Variants in PTPRG observed in about 807,000 individuals in gnomAD.
The protein encoded by PTPRG is receptor-type tyrosine-protein phosphatase gamma.
A neutral mutation model predicts 165.3 loss-of-function variants in PTPRG; 102 were observed. That is an observed-to-expected ratio of 0.62 (90% confidence interval 0.53 to 0.73). The LOEUF is 0.73. Among genes scored for constraint, PTPRG ranks in the 30% least tolerant of loss-of-function variants. The pLI is 0.00. For missense variants in PTPRG, 1,866 were observed against 1,861.4 expected (o/e 1.00, Z -0.05); for synonymous variants, 675 against 669.5 (o/e 1.01, Z -0.13).
In PTPRG at chr3:62,229,492, G is replaced by A. The variant is rs1205089221; in HGVS notation, c.2289-1733G>A. On this transcript the variant is annotated intron_variant, in intron 13 of 29. Coordinates refer to ENST00000474889, the MANE Select transcript of PTPRG (RefSeq NM_002841.4). The surrounding 1 kb of genome is among the most constrained non-coding windows in gnomAD (Gnocchi z 4.6). ...AGACAAAAGCGGAAAGAGATTCACT[G>A]CTAAAGGTTGCCAGTTAAACATGCT... 6.6e-6 allele frequency among the ~76,000 whole-genome samples: 1 copy of A among 152,194 alleles called. No homozygotes were observed. The highest frequency in any genetic ancestry group is 2.4e-5 in the African/African-American group (1 of 41,444).
At chr3:61,721,961 A>T (rs1028653085) in intron 1 of PTPRG, among the ~76,000 whole-genome samples, 1 of 152,144 alleles carries the variant, frequency 6.6e-6, no homozygotes, top group Non-Finnish European at 1.5e-5. Context: ...GTATGGCAAG[A>T]TGCAGCAACA....
chr3:61,874,057 T>C (rs989416220), intron 2 of PTPRG, among the ~76,000 whole-genome samples: 1 of 152,196 alleles, frequency 6.6e-6, no homozygotes, highest in Non-Finnish European at 1.5e-5. Context: ...AAAATGCAGT[T>C]AATTATGGGA....
At chr3:62,116,015 C>T (rs1273545966) in intron 5 of PTPRG, among the ~76,000 whole-genome samples, 5 of 152,202 alleles carry the variant, frequency 3.3e-5, no homozygotes, top group Non-Finnish European at 7.3e-5. Flanking sequence ...ATTGTAGCAA[C>T]TCTCATGACA....
rs376193912 is a variant in PTPRG, at chr3:61,877,026, G to T, written c.191-112599G>T. Among the ~76,000 whole-genome samples, 18 of 152,060 alleles carry T rather than the reference G, an allele frequency of 1.2e-4. No individual in the cohort carries two copies. In the East Asian group the frequency reaches 3.3e-3, roughly 28 times the overall value. On this transcript the variant is annotated intron_variant, in intron 2 of 29. Transcript: ENST00000474889. ...TTAAGAAATACCGCCTGTAATTCAG[G>T]CTTACATTTTTGTGTCAGGAGGATT...
chr3:61,562,840 C>A (rs1341927497), intron 1 of PTPRG, among the ~76,000 whole-genome samples: 4 of 152,240 alleles, frequency 2.6e-5, no homozygotes, highest in African/African-American at 7.2e-5. Context: ...CTTTGCTGTT[C>A]TCCATCCCTT....
At chr3:62,004,763 T>G (rs916935312) in intron 4 of PTPRG, among the ~76,000 whole-genome samples, 10 of 152,244 alleles carry the variant, frequency 6.6e-5, no homozygotes, top group African/African-American at 2.4e-4. Context: ...GACTTTTCAC[T>G]GGTAACATAT....
intron 1 of PTPRG, among the ~76,000 whole-genome samples, chr3:61,729,081 C>G (rs543880484): frequency 6.6e-6 from 1 of 151,062 alleles, no homozygotes; most frequent in East Asian, 2.0e-4. Flanking sequence ...AACAAACAAA[C>G]AAACAAAAAG....
At position 62,272,981 on chromosome 3, in the gene PTPRG, T is replaced by C. The variant is rs1702114716; in HGVS notation, c.3218T>C (p.Ile1073Thr). ...GVGRTGTYIV[I>T]DSMLQQIKDK... is the part of the protein sequence containing the mutation. ...GGCAGAACAGGCACCTATATTGTAA[T>C]AGACAGCATGCTGCAACAGATAAAA... Residue 1073 changes from isoleucine to threonine, a missense_variant, in exon 22 of 30, where the codon ATA becomes ACA. Coordinates refer to ENST00000474889, the MANE Select transcript of PTPRG (RefSeq NM_002841.4). 4.3e-6 allele frequency: 7 copies of C among 1,613,632 alleles called. No individual in the cohort carries two copies. The highest frequency in any genetic ancestry group is 1.3e-5 in the African/African-American group (1 of 74,898).
intron 11 of PTPRG, among the ~76,000 whole-genome samples, chr3:62,202,484 T>C (rs915372201): frequency 6.6e-6 from 1 of 152,210 alleles, no homozygotes; most frequent in African/African-American, 2.4e-5. Flanking sequence ...TTGTTGTTGA[T>C]GTTGTTGTCA....
At chr3:62,141,857 C>G (rs2106643909) in intron 6 of PTPRG, among the ~76,000 whole-genome samples, 1 of 150,946 alleles carries the variant, frequency 6.6e-6, no homozygotes, top group South Asian at 2.1e-4. Flanking sequence ...TGCAGTGAGT[C>G]AAGACTGCAC....
chr3:61,600,190 A>G (rs71296732), intron 1 of PTPRG, among the ~76,000 whole-genome samples: 11,615 of 116,916 alleles, frequency 0.099, 650 homozygotes, highest in African/African-American at 0.13. Context: ...ATATATATAT[A>G]TATGTGTGTG....
At chr3:62,067,855 C>T (rs1181487303) in intron 4 of PTPRG, among the ~76,000 whole-genome samples, 3 of 152,142 alleles carry the variant, frequency 2.0e-5, no homozygotes, top group South Asian at 2.1e-4. Flanking sequence ...ATCACCCCCT[C>T]AAAGAGTGAC....
In PTPRG at chr3:62,271,497, G is replaced by T. The variant is rs770354333; in HGVS notation, c.3124G>T (p.Val1042Leu). 1 of 1,613,968 alleles carries T rather than the reference G, an allele frequency of 6.2e-7. No homozygotes were observed. Among genetic ancestry groups the T allele is most frequent in the South Asian group, 1.1e-5 (1 of 91,068 alleles). The change falls in exon 21 of 30, where the codon GTG becomes TTG. Residue 1042 changes from valine (V) to leucine (L), a missense_variant. Physicochemically the swap from Val to Leu is conservative, Grantham distance 32. Around this residue, in one of 3 missense-constraint regions of PTPRG, gnomAD observed 1,452 missense variants for 1,463.0 expected, o/e 0.99. Coordinates refer to ENST00000474889, the MANE Select transcript of PTPRG (RefSeq NM_002841.4). The surrounding 1 kb of genome is among the most constrained non-coding windows in gnomAD (Gnocchi z 4.1). ...GTATGCCCTTCCAGTACTGACTTTC[G>T]TGAGGAGATCCTCAGCAGCTCGGAT... is the stretch of plus-strand genomic sequence containing the variant. ...PEYALPVLTF[V>L]RRSSAARMPE...
intron 5 of PTPRG, among the ~76,000 whole-genome samples, chr3:62,128,679 C>T (rs1703403905): frequency 6.7e-6 from 1 of 150,148 alleles, no homozygotes; most frequent in Non-Finnish European, 1.5e-5. Context: ...CTGAAAGCAT[C>T]CATACCTGAC....
chr3:62,144,988 T>C (rs766064883), intron 6 of PTPRG, among the ~76,000 whole-genome samples: 1 of 152,028 alleles, frequency 6.6e-6, no homozygotes, highest in Non-Finnish European at 1.5e-5. Flanking sequence ...CCTGCTTGTT[T>C]CAGTGGGATG....
At chr3:62,292,677 T>G (rs147910872) in intron 29 of PTPRG, 121 bp downstream of exon 29, 12,117 of 1,200,550 alleles carry the variant, frequency 0.01, 104 homozygotes, top group Non-Finnish European at 0.011. Context: ...TGGCCATGTC[T>G]GGAGACTTTT....
intron 1 of PTPRG, among the ~76,000 whole-genome samples, chr3:61,660,027 C>T (rs1702615277): frequency 1.3e-5 from 2 of 151,990 alleles, no homozygotes; most frequent in South Asian, 4.1e-4. Context: ...GAGATAGAGA[C>T]CATCCTGGCC....
At chr3:61,888,415 G>A (rs1426650725) in intron 2 of PTPRG, among the ~76,000 whole-genome samples, 2 of 151,828 alleles carry the variant, frequency 1.3e-5, no homozygotes, top group African/African-American at 4.8e-5. Flanking sequence ...CTCACTGCAA[G>A]CTCCACCTCC....
intron 1 of PTPRG, among the ~76,000 whole-genome samples, chr3:61,665,467 A>AAC (rs1457942447): frequency 5.0e-5 from 4 of 79,642 alleles, no homozygotes; most frequent in African/African-American, 2.5e-4. Context: ...ATTGTAAATA[A>AAC]ATACACACAC....
Sources: allele counts gnomAD v4.1 joint callset (sites outside exome capture counted in the v4.1 genomes callset), GRCh38; gene constraint gnomAD v4.1.1; regional missense constraint gnomAD v4.1.1; non-coding constraint Gnocchi (gnomAD v3.1); transcripts MANE v1.5; gene names NCBI Gene and HGNC (gene_info 2026-07-23, HGNC 2026-07-21).